Variants in ADAMTSL1 observed in about 807,000 individuals in gnomAD.
ADAMTSL1 encodes the protein ADAMTS-like protein 1.
In ADAMTSL1, 126 loss-of-function variants were observed where a neutral mutation model predicts 201.8. The observed-to-expected ratio is 0.62, with a 90% CI of 0.54 to 0.72. ADAMTSL1 has a LOEUF of 0.72. Among genes scored for constraint, ADAMTSL1 ranks in the 30% least tolerant of loss-of-function variants. The pLI is 0.00. For missense variants in ADAMTSL1, 2,679 were observed against 2,277.8 expected (o/e 1.18, Z -3.59); for synonymous variants, 1,121 against 903.4 (o/e 1.24, Z -4.32).
At chr9:18,565,996 A>G (rs752755697) in intron 3 of ADAMTSL1, among the ~76,000 whole-genome samples, 3 of 152,172 alleles carry the variant, frequency 2.0e-5, no homozygotes, top group African/African-American at 4.8e-5. Context: ...ATTTCAGCAC[A>G]TTTTATGTTT....
At chr9:18,548,182 G>C (rs1161527059) in intron 3 of ADAMTSL1, among the ~76,000 whole-genome samples, 5 of 151,938 alleles carry the variant, frequency 3.3e-5, no homozygotes, top group Non-Finnish European at 2.9e-5. Flanking sequence ...GGTCATTCAT[G>C]GGCATGTGAA....
intron 1 of ADAMTSL1, among the ~76,000 whole-genome samples, chr9:18,126,400 CTCCTTTATCCT>C (rs1825730292): frequency 6.6e-6 from 1 of 152,124 alleles, no homozygotes; most frequent in Admixed American, 6.6e-5. Flanking sequence ...CCCGGAAGTC[CTCCTTTATCCT>C]TCTATTTAGG....
At chr9:18,626,882 C>CTTTCTTTCTTTCTTTCTGT (rs1826411872) in intron 5 of ADAMTSL1, among the ~76,000 whole-genome samples, 2 of 125,562 alleles carry the variant, frequency 1.6e-5, no homozygotes, top group Non-Finnish European at 3.5e-5. Flanking sequence ...TTTCTTCCTT[C>CTTTCTTTCTTTCTTTCTGT]CTTCCTTCCT....
At chr9:18,089,936 T>C (rs962412396) in intron 1 of ADAMTSL1, among the ~76,000 whole-genome samples, 6 of 152,202 alleles carry the variant, frequency 3.9e-5, no homozygotes, top group African/African-American at 1.4e-4. Flanking sequence ...CTTTTCTTAC[T>C]ATAATTTAGG....
At chr9:18,865,844 G>A (rs1563871116) in intron 23 of ADAMTSL1, among the ~76,000 whole-genome samples, 1 of 152,112 alleles carries the variant, frequency 6.6e-6, no homozygotes, top group African/African-American at 2.4e-5. Flanking sequence ...CCCTTTAATA[G>A]CTGAGGCCTG....
At chr9:18,826,900 A>G (rs1051102545) in intron 22 of ADAMTSL1, among the ~76,000 whole-genome samples, 1 of 152,236 alleles carries the variant, frequency 6.6e-6, no homozygotes, top group Non-Finnish European at 1.5e-5. Flanking sequence ...TATTTTTCAT[A>G]TAATTCCAGG....
At chr9:18,374,490 A>T (rs1009635635) in intron 2 of ADAMTSL1, among the ~76,000 whole-genome samples, 2 of 151,792 alleles carry the variant, frequency 1.3e-5, no homozygotes, top group Non-Finnish European at 2.9e-5. Flanking sequence ...GCACCACCTC[A>T]CCTGGCTAAT....
At chr9:18,246,081 A>G (rs1361712558) in intron 2 of ADAMTSL1, among the ~76,000 whole-genome samples, 2 of 152,132 alleles carry the variant, frequency 1.3e-5, no homozygotes, top group Admixed American at 1.3e-4. Flanking sequence ...CAGATTAGAC[A>G]CAGATTCTGC....
intron 23 of ADAMTSL1, among the ~76,000 whole-genome samples, chr9:18,879,599 A>G (rs1828397726): frequency 6.6e-6 from 1 of 152,226 alleles, no homozygotes; most frequent in South Asian, 2.1e-4. Context: ...GTGCAACACC[A>G]ATACATCTAA....
At chr9:18,351,265 GA>G (rs1222233600) in intron 2 of ADAMTSL1, among the ~76,000 whole-genome samples, 9 of 138,980 alleles carry the variant, frequency 6.5e-5, no homozygotes, top group East Asian at 4.2e-4. Context: ...AAAAAAAAAA[GA>G]AAAAAAAAAG....
chr9:18,291,844 C>G (rs540505498), intron 2 of ADAMTSL1, among the ~76,000 whole-genome samples: 1 of 151,882 alleles, frequency 6.6e-6, no homozygotes. Flanking sequence ...TACCTCTAGA[C>G]ACTAAGAATG....
At chr9:18,623,466 T>C (rs1220978020) in intron 5 of ADAMTSL1, among the ~76,000 whole-genome samples, 4 of 152,078 alleles carry the variant, frequency 2.6e-5, no homozygotes, top group Non-Finnish European at 4.4e-5. Flanking sequence ...CCTAAGCACT[T>C]ACTTGTTTCT....
chr9:18,825,729 T>G (rs1222354495), intron 21 of ADAMTSL1, among the ~76,000 whole-genome samples: 2 of 150,866 alleles, frequency 1.3e-5, no homozygotes, highest in Non-Finnish European at 2.9e-5. Context: ...CCCCTCCCCA[T>G]TCATTCCACT....
At chr9:18,845,241 A>T (rs936683091) in intron 23 of ADAMTSL1, among the ~76,000 whole-genome samples, 10 of 152,082 alleles carry the variant, frequency 6.6e-5, no homozygotes, top group Non-Finnish European at 1.5e-4. Flanking sequence ...CTTCAGAGGA[A>T]CTCCTCACAA....
At chr9:18,748,442 A>G (rs531113272) in intron 15 of ADAMTSL1, among the ~76,000 whole-genome samples, 1 of 152,288 alleles carries the variant, frequency 6.6e-6, no homozygotes, top group Admixed American at 6.5e-5. Context: ...AAACACCATA[A>G]TCCAACAAGC....
chr9:18,707,013 A>T lies in ADAMTSL1; in HGVS notation c.1841A>T (p.Glu614Val). ...DFDELYDWEY[E>V]GFTKCSESCG... ...GACGAGCTGTATGACTGGGAGTATG[A>T]GGGGTTCACCAAGTGCTCCGAGTCC... Residue 614 changes from glutamate to valine, a missense_variant, in exon 14 of 29, where the codon GAG becomes GTG. Transcript: ENST00000380548. The T allele has an allele frequency of 1.2e-6, 2 of 1,613,820 alleles. No homozygotes were observed. The highest frequency in any genetic ancestry group is 1.7e-6 in the Non-Finnish European group (2 of 1,179,844).
chr9:18,488,942 T>G (rs1313027271), intron 1 of ADAMTSL1, among the ~76,000 whole-genome samples: 2 of 152,140 alleles, frequency 1.3e-5, no homozygotes, highest in Non-Finnish European at 2.9e-5. Context: ...AAAAGTTGGT[T>G]CAAGAAAGTC....
At chr9:17,968,282 G>A (rs929874209) in intron 1 of ADAMTSL1, among the ~76,000 whole-genome samples, 1 of 152,012 alleles carries the variant, frequency 6.6e-6, no homozygotes, top group Non-Finnish European at 1.5e-5. Context: ...CCTTCTTCAG[G>A]TATGGATGCA....
At chr9:18,655,676 C>T (rs1400514699) in intron 7 of ADAMTSL1, among the ~76,000 whole-genome samples, 1 of 151,812 alleles carries the variant, frequency 6.6e-6, no homozygotes, top group East Asian at 1.9e-4. Flanking sequence ...AACCTCATCT[C>T]TTTGAATCTA....
Sources: gnomAD v4.1 joint callset for allele counts (sites outside exome capture counted in the v4.1 genomes callset) on GRCh38, gnomAD v4.1.1 for gene constraint, MANE v1.5 for transcripts, NCBI Gene and HGNC (gene_info 2026-07-23, HGNC 2026-07-21) for gene names.